Variants in PTPN23 observed in about 807,000 individuals in gnomAD.
PTPN23 encodes protein tyrosine phosphatase non-receptor type 23.
A neutral mutation model predicts 156.3 loss-of-function variants in PTPN23; 72 were observed. That is an observed-to-expected ratio of 0.46 (90% CI 0.38 to 0.56). PTPN23 has a LOEUF of 0.56. PTPN23 is among the 20% of genes least tolerant of loss of function. The pLI is 0.00. For missense variants in PTPN23, 1,974 were observed against 2,171.5 expected, an observed-to-expected ratio of 0.91 and a Z score of 1.81; for synonymous variants, 957 against 899.6, an observed-to-expected ratio of 1.06 and a Z score of -1.14.
Position 47,413,236 on chromosome 3 carries a change from C to T in PTPN23, c.*51C>T. ...CACTACATCATCATCATCTCATGCCCACCTGCCCACACCCAGCAGAGCTTC... is the reference window on the plus strand; with the variant it reads ...CACTACATCATCATCATCTCATGCCTACCTGCCCACACCCAGCAGAGCTTC... On this transcript the variant is annotated 3_prime_UTR_variant, in exon 25 of 25. Coordinates refer to ENST00000265562, the MANE Select transcript of PTPN23 (RefSeq NM_015466.4). 6.4e-7 allele frequency: 1 copy of T among 1,554,448 alleles called. No homozygotes were observed. The highest frequency in any genetic ancestry group is 8.7e-7 in the Non-Finnish European group (1 of 1,146,458).
intron 17 of PTPN23, 42 bp from the exon 18 acceptor site, chr3:47,409,375 G>A (rs758981486): frequency 8.1e-6 from 13 of 1,613,460 alleles, no homozygotes; most frequent in Middle Eastern, 1.7e-4. Flanking sequence ...CTTAGGAGTC[G>A]AGGCCCTGAG....
chr3:47,399,547 CA>C (rs1321430812), intron 2 of PTPN23, among the ~76,000 whole-genome samples: 3 of 152,214 alleles, frequency 2.0e-5, no homozygotes, highest in Non-Finnish European at 4.4e-5. Context: ...ACACTACACA[CA>C]AGGACGCAAC....
At chr3:47,391,678 C>T (rs1162458742) in intron 1 of PTPN23, among the ~76,000 whole-genome samples, 4 of 152,168 alleles carry the variant, frequency 2.6e-5, no homozygotes, top group Non-Finnish European at 5.9e-5. Context: ...AGTGATATCA[C>T]GGGAAGCCTT....
Position 47,409,742 on chromosome 3 carries a change from C to A in PTPN23, c.2037C>A (p.Tyr679Ter). The A allele has an allele frequency of 6.2e-7, 1 of 1,607,358 alleles. No homozygotes were observed. The highest frequency in any genetic ancestry group is 8.5e-7 in the Non-Finnish European group (1 of 1,179,692). The change falls in exon 19 of 25, where the codon TAC becomes TAA. Residue 679 changes from tyrosine to a stop codon, truncating the protein, a stop_gained. Transcript: ENST00000265562. LOFTEE classifies it high-confidence loss of function. The part of the protein sequence containing the change: ...MKKSQEGRDF[Y>*]ADLESKVAAL... ...AGTCGCAGGAGGGCAGGGACTTCTA[C>A]GCAGATCTGGAGAGCAAGGTGGCTG...
chr3:47,390,391 T>C (rs1704749292), intron 1 of PTPN23, among the ~76,000 whole-genome samples: 1 of 152,180 alleles, frequency 6.6e-6, no homozygotes, highest in African/African-American at 2.4e-5. Context: ...CTTCTTTTAT[T>C]CCTTCAGAAA....
chr3:47,407,617 C>T lies in PTPN23; in HGVS notation c.1003+33C>T, dbSNP rs749979901. On this transcript the variant is annotated intron_variant, in intron 12 of 24. Transcript: ENST00000265562. The surrounding 1 kb of genome is among the most constrained non-coding windows in gnomAD (Gnocchi z 4.0). ...AGCTGAGAGGTGGGGGCAGAGGTGA[C>T]GGTGGGGTGGGGACAGGACACAGGA... The T allele has an allele frequency of 1.0e-5, 16 of 1,604,250 alleles. No individual in the cohort carries two copies. Among genetic ancestry groups the T allele is most frequent in the East Asian group, 8.9e-5 (4 of 44,826 alleles).
intron 1 of PTPN23, among the ~76,000 whole-genome samples, chr3:47,382,289 GCT>G (rs1159911580): frequency 6.6e-6 from 1 of 151,690 alleles, no homozygotes; most frequent in East Asian, 1.9e-4. Flanking sequence ...TCCAGACGTT[GCT>G]CTCTTCTTCA....
At chr3:47,397,772 T>C (rs948137008) in intron 2 of PTPN23, among the ~76,000 whole-genome samples, 1 of 152,070 alleles carries the variant, frequency 6.6e-6, no homozygotes, top group African/African-American at 2.4e-5. Context: ...CAGGTTCAAG[T>C]GATTCTCCTG....
chr3:47,384,250 C>T (rs1429821372), intron 1 of PTPN23, among the ~76,000 whole-genome samples: 3 of 151,638 alleles, frequency 2.0e-5, no homozygotes, highest in Non-Finnish European at 2.9e-5. Context: ...GGGCAGATCA[C>T]GAGGTCAGGA....
chr3:47,396,044 C>T (rs182589683), intron 1 of PTPN23, 99 bp from the exon 2 acceptor site: 2 of 874,682 alleles, frequency 2.3e-6, no homozygotes, highest in East Asian at 2.6e-5. Context: ...GGTTGTAGGT[C>T]TGCACTTAAT....
intron 2 of PTPN23, among the ~76,000 whole-genome samples, chr3:47,401,327 G>A (rs913370713): frequency 6.6e-6 from 1 of 151,920 alleles, no homozygotes; most frequent in Non-Finnish European, 1.5e-5. Context: ...CAAGCCTGTA[G>A]TCCTGAGTAG....
chr3:47,404,090 A>G (rs557703602), intron 2 of PTPN23, among the ~76,000 whole-genome samples: 28 of 152,334 alleles, frequency 1.8e-4, no homozygotes, highest in African/African-American at 6.5e-4. Context: ...ACTGTGGGCC[A>G]AAAGTTAAGT....
chr3:47,409,310 A>G lies in PTPN23; in HGVS notation c.1790A>G (p.Glu597Gly), dbSNP rs1164705759. 5 of 1,614,000 alleles carry G rather than the reference A, an allele frequency of 3.1e-6. No individual in the cohort carries two copies. The East Asian group carries it at 1.1e-4, about 36-fold the overall frequency. The change falls in exon 17 of 25, where the codon GAG becomes GGG. Residue 597 changes from glutamate (E) to glycine (G), a missense_variant. Glu to Gly is a moderately conservative substitution (Grantham distance 98). Coordinates refer to ENST00000265562, the MANE Select transcript of PTPN23 (RefSeq NM_015466.4). Reference sequence around the variant, plus strand: ...TCGCTGGTCACCACAGACCACTCAGAGATGAAGGTGGGCTGGGTGAGCAGG... The same window carrying G: ...TCGCTGGTCACCACAGACCACTCAGGGATGAAGGTGGGCTGGGTGAGCAGG... Reference protein sequence around the residue: ...TASLVTTDHSEMKKLFEEQLK... With the variant: ...TASLVTTDHSGMKKLFEEQLK...
Position 47,406,894 on chromosome 3 carries a change from T to C in PTPN23, c.807+144T>C. The C allele has an allele frequency of 8.1e-7, 1 of 1,235,358 alleles. No individual in the cohort carries two copies. The highest frequency in any genetic ancestry group is 1.4e-5 in the South Asian group (1 of 71,060). The allele number at this position is 1,235,358 out of a possible 1,614,324, so 76.5% of individuals were successfully genotyped here. A position where few individuals can be genotyped will look rare whatever the true frequency, so the allele number is the denominator to read the frequency against. On this transcript the variant is annotated intron_variant, in intron 9 of 24. Transcript: ENST00000265562. The surrounding 1 kb of genome is among the most constrained non-coding windows in gnomAD (Gnocchi z 5.8). ...TGCTGGAGGCCTGGTGTCTTAAGTG[T>C]TGTCCCATCTGTGCAGCCCTCGTCC... is the stretch of plus-strand genomic sequence containing the variant.
Position 47,411,902 on chromosome 3 carries a change from G to T in PTPN23, c.4008G>T (p.Leu1336=). 6.2e-7 allele frequency: 1 copy of T among 1,613,422 alleles called. No homozygotes were observed. ...CCCATGTGGAGCGCGTGCTGAGCCTGCAGTTCCGAGACCAGAGCCTCAAGC... is the reference window on the plus strand; with the variant it reads ...CCCATGTGGAGCGCGTGCTGAGCCTTCAGTTCCGAGACCAGAGCCTCAAGC... ...TETHVERVLS[L]QFRDQSLKRS... Residue 1336 remains leucine (L), a synonymous_variant, in exon 21 of 25, where the codon CTG becomes CTT. Coordinates refer to ENST00000265562, the MANE Select transcript of PTPN23 (RefSeq NM_015466.4). The surrounding 1 kb of genome is among the most constrained non-coding windows in gnomAD (Gnocchi z 6.3).
chr3:47,411,754 AG>A lies in PTPN23; in HGVS notation c.3889-27del. ...GCAGGGCAGGGGATCCTGGAAAACC[AG>A]GTCTGTCTTGGCTTATCTGTCCCTC... On this transcript the variant is annotated intron_variant, in intron 20 of 24. Coordinates refer to ENST00000265562, the MANE Select transcript of PTPN23 (RefSeq NM_015466.4). The surrounding 1 kb of genome is among the most constrained non-coding windows in gnomAD (Gnocchi z 6.3). 2 of 1,593,066 alleles carry A rather than the reference AG, an allele frequency of 1.3e-6. No individual in the cohort carries two copies. Among genetic ancestry groups the A allele is most frequent in the Non-Finnish European group, 1.7e-6 (2 of 1,165,960 alleles).
intron 1 of PTPN23, among the ~76,000 whole-genome samples, chr3:47,387,143 G>A (rs1261584727): frequency 1.3e-5 from 2 of 152,172 alleles, no homozygotes; most frequent in Non-Finnish European, 2.9e-5. Context: ...CAGTACTCTT[G>A]GCCTATGGCG....
intron 1 of PTPN23, among the ~76,000 whole-genome samples, chr3:47,383,021 G>T (rs143995914): frequency 6.6e-6 from 1 of 151,876 alleles, no homozygotes; most frequent in Non-Finnish European, 1.5e-5. Context: ...GAATAGATCC[G>T]GTATCTTTTT....
At chr3:47,396,052 A>T in intron 1 of PTPN23, 91 bp from the exon 2 acceptor site, 1 of 984,876 alleles carries the variant, frequency 1.0e-6, no homozygotes, top group Non-Finnish European at 1.5e-6. Context: ...GTCTGCACTT[A>T]ATCCTGAGTC....
Sources: allele counts gnomAD v4.1 joint callset (sites outside exome capture counted in the v4.1 genomes callset), GRCh38; gene constraint gnomAD v4.1.1; non-coding constraint Gnocchi (gnomAD v3.1); transcripts MANE v1.5; gene names NCBI Gene and HGNC (gene_info 2026-07-23, HGNC 2026-07-21).